PRKN: variants seen among roughly 807,000 people sequenced by gnomAD.
PRKN encodes E3 ubiquitin-protein ligase parkin.
In PRKN, 56 loss-of-function variants were observed where a neutral mutation model predicts 59.5. The ratio of observed to expected loss-of-function variants is 0.94; its 90% CI spans 0.76 to 1.18. The LOEUF (loss-of-function observed/expected upper bound fraction) is 1.18. Ranked by LOEUF, PRKN falls within the 50% of genes most tolerant of loss-of-function variation. PRKN has a pLI of 0.00. For synonymous variants in PRKN, 250 were observed against 222.1 expected (o/e 1.13, Z -1.12); for missense variants, 657 against 596.4 (o/e 1.10, Z -1.06).
At chr6:162,571,611 A>C (rs949529472) in intron 1 of PRKN, among the ~76,000 whole-genome samples, 2 of 152,126 alleles carry the variant, frequency 1.3e-5, no homozygotes, top group African/African-American at 4.8e-5. Context: ...CCACACGAGA[A>C]AACAGCCATT....
At chr6:162,257,252 C>T (rs968158954) in intron 3 of PRKN, among the ~76,000 whole-genome samples, 1 of 152,126 alleles carries the variant, frequency 6.6e-6, no homozygotes, top group Non-Finnish European at 1.5e-5. Flanking sequence ...CAGTGGATTA[C>T]CTGAGGTCAG....
chr6:161,881,394 A>G (rs1794930174), intron 6 of PRKN, among the ~76,000 whole-genome samples: 3 of 152,216 alleles, frequency 2.0e-5, no homozygotes, highest in Admixed American at 2.0e-4. Context: ...TGAGAGGCTA[A>G]TGCAAGAATA....
chr6:162,385,195 T>C (rs1338667360), intron 2 of PRKN, among the ~76,000 whole-genome samples: 1 of 152,152 alleles, frequency 6.6e-6, no homozygotes, highest in African/African-American at 2.4e-5. Context: ...CCTCAAGGAA[T>C]TGAGTAATAA....
intron 4 of PRKN, among the ~76,000 whole-genome samples, chr6:162,158,293 T>C (rs1301583481): frequency 6.6e-6 from 1 of 152,090 alleles, no homozygotes; most frequent in East Asian, 1.9e-4. Context: ...GCTGAGCCTC[T>C]GTCTCCCAGA....
intron 3 of PRKN, among the ~76,000 whole-genome samples, chr6:162,226,841 G>A (rs942333511): frequency 3.9e-5 from 6 of 152,306 alleles, no homozygotes; most frequent in African/African-American, 7.2e-5. Context: ...TGGGCAGCTC[G>A]CTGCTTCAGC....
At chr6:162,146,898 T>C (rs1404497969) in intron 4 of PRKN, among the ~76,000 whole-genome samples, 1 of 151,994 alleles carries the variant, frequency 6.6e-6, no homozygotes, top group Non-Finnish European at 1.5e-5. Context: ...TTCTGGCTAA[T>C]TTCTGTATTT....
rs888189891 is a variant in PRKN, at chr6:161,390,575, G to A, written c.1084-3698C>T. 3.3e-5 allele frequency among the ~76,000 whole-genome samples: 5 copies of A among 152,106 alleles called. No homozygotes were observed. Among genetic ancestry groups the A allele is most frequent in the African/African-American group, 9.7e-5 (4 of 41,426 alleles). ...ACCATCTCGGCTCACTGCAACCTCC[G>A]CCTCCCGGGTTCAAGCAATTCTCCC... On this transcript the variant is annotated intron_variant, in intron 9 of 11. Transcript: ENST00000366898. The surrounding 1 kb of genome is among the most constrained non-coding windows in gnomAD (Gnocchi z 7.0).
At position 162,660,155 on chromosome 6, in the gene PRKN, T is replaced by A. The variant is rs982272057; in HGVS notation, c.7+67507A>T. On this transcript the variant is annotated intron_variant, in intron 1 of 11. Coordinates refer to ENST00000366898, the MANE Select transcript of PRKN (RefSeq NM_004562.3). ...AAAATAACTCAAAATTCAAAAATTATTTTAAATGTATAGTATAATCATTTT... is the reference window on the plus strand; with the variant it reads ...AAAATAACTCAAAATTCAAAAATTAATTTAAATGTATAGTATAATCATTTT... 3.3e-5 allele frequency among the ~76,000 whole-genome samples: 5 copies of A among 152,344 alleles called. No individual in the cohort carries two copies. In the East Asian group the frequency reaches 9.6e-4, roughly 29 times the overall value.
chr6:161,952,691 G>C (rs1324128964), intron 6 of PRKN, among the ~76,000 whole-genome samples: 1 of 152,154 alleles, frequency 6.6e-6, no homozygotes, highest in African/African-American at 2.4e-5. Flanking sequence ...ATGAGCAATG[G>C]AACAGAAGTA....
intron 1 of PRKN, chr6:162,727,291 A>AGGTGAGGGGCGGCGGCGGGGCGAC: frequency 3.2e-6 from 1 of 317,164 alleles, no homozygotes; most frequent in Non-Finnish European, 5.8e-6. Context: ...TGAGGGGCGA[A>AGGTGAGGGGCGGCGGCGGGGCGAC]GGTGAGGGGC....
chr6:162,345,718 A>G (rs1483695067), intron 2 of PRKN, among the ~76,000 whole-genome samples: 1 of 152,190 alleles, frequency 6.6e-6, no homozygotes, highest in Non-Finnish European at 1.5e-5. Flanking sequence ...CAGCAAAGTT[A>G]TACATTCTCT....
chr6:162,365,518 C>G (rs1291344104), intron 2 of PRKN, among the ~76,000 whole-genome samples: 2 of 152,132 alleles, frequency 1.3e-5, no homozygotes, highest in Admixed American at 6.6e-5. Flanking sequence ...TACTACCTGT[C>G]TTTGTCTTCC....
chr6:162,139,480 T>C (rs1032106626), intron 4 of PRKN, among the ~76,000 whole-genome samples: 1 of 152,134 alleles, frequency 6.6e-6, no homozygotes, highest in Non-Finnish European at 1.5e-5. Flanking sequence ...CAGAGGCTTA[T>C]GAGGACGTCG....
At chr6:162,102,873 C>A (rs1284267672) in intron 4 of PRKN, among the ~76,000 whole-genome samples, 1 of 151,772 alleles carries the variant, frequency 6.6e-6, no homozygotes, top group Non-Finnish European at 1.5e-5. Context: ...GAAACCCCGT[C>A]TCTACTGAAA....
chr6:162,308,163 A>G (rs1170741221), intron 2 of PRKN, among the ~76,000 whole-genome samples: 1 of 152,210 alleles, frequency 6.6e-6, no homozygotes, highest in East Asian at 1.9e-4. Context: ...GTAGCCCCTC[A>G]GGGTCAGGAA....
rs796207492 is a variant in PRKN, at chr6:161,372,070, T to C, written c.1168-11865A>G. 3.3e-5 allele frequency among the ~76,000 whole-genome samples: 5 copies of C among 152,280 alleles called. No homozygotes were observed. Among genetic ancestry groups the C allele is most frequent in the African/African-American group, 9.6e-5 (4 of 41,558 alleles). ...CCCTAAATGCTTCCTAAAGGGGAAG[T>C]GAATTAAAATAATATCTATCAACCT... is the stretch of plus-strand genomic sequence containing the variant. On this transcript the variant is annotated intron_variant, in intron 10 of 11. Transcript: ENST00000366898. The surrounding 1 kb of genome is among the most constrained non-coding windows in gnomAD (Gnocchi z 4.2).
Position 161,377,355 on chromosome 6 carries a change from C to T in PRKN, c.1167+9439G>A, listed in dbSNP as rs1785760717. ...TCCTCAGACCCCCGTGCCATCCACA[C>T]CGTGGCATGACTGCCTCTCCTTGGG... On this transcript the variant is annotated intron_variant, in intron 10 of 11. Coordinates refer to ENST00000366898, the MANE Select transcript of PRKN (RefSeq NM_004562.3). This position sits in a 1 kb window ranked among gnomAD's most constrained non-coding sequence, Gnocchi z 4.2. Among the ~76,000 whole-genome samples the T allele has an allele frequency of 6.6e-6, 1 of 152,266 alleles. No individual in the cohort carries two copies. The highest frequency in any genetic ancestry group is 2.4e-5 in the African/African-American group (1 of 41,472).
chr6:161,438,772 T>C (rs946753327), intron 9 of PRKN, among the ~76,000 whole-genome samples: 2 of 152,198 alleles, frequency 1.3e-5, no homozygotes, highest in Non-Finnish European at 2.9e-5. Context: ...TCATCCCGCA[T>C]GTAGCTATTT....
At chr6:162,070,738 A>T (rs1278932681) in intron 4 of PRKN, among the ~76,000 whole-genome samples, 6 of 152,144 alleles carry the variant, frequency 3.9e-5, no homozygotes, top group Admixed American at 3.9e-4. Flanking sequence ...GATCCCCCAC[A>T]TGCACAGTTC....
Sources: allele counts gnomAD v4.1 joint callset (sites outside exome capture counted in the v4.1 genomes callset), GRCh38; gene constraint gnomAD v4.1.1; non-coding constraint Gnocchi (gnomAD v3.1); transcripts MANE v1.5; gene names NCBI Gene and HGNC (gene_info 2026-07-23, HGNC 2026-07-21).